PIEZO2: variants seen among roughly 807,000 people sequenced by gnomAD.
The protein encoded by PIEZO2 is piezo type mechanosensitive ion channel component 2.
A neutral mutation model predicts 337.3 loss-of-function variants in PIEZO2; 172 were observed. The ratio of observed to expected loss-of-function variants is 0.51; its 90% CI spans 0.45 to 0.58. The LOEUF (loss-of-function observed/expected upper bound fraction) is 0.58, where lower values mean the gene tolerates loss of function less well. PIEZO2 is among the 20% of genes least tolerant of loss of function. The probability of loss-of-function intolerance (pLI) is 0.00; values close to 1 mark genes in which losing one functional copy is unlikely to be tolerated. For synonymous variants in PIEZO2, 1,251 were observed against 1,228.5 expected (o/e 1.02, Z -0.38); for missense variants, 3,028 against 3,391.3 (o/e 0.89, Z 2.66).
At position 10,980,387 on chromosome 18, in the gene PIEZO2, T is replaced by C. The variant is rs1479888061; in HGVS notation, c.161-727A>G. 6.6e-6 allele frequency among the ~76,000 whole-genome samples: 1 copy of C among 151,884 alleles called. No individual in the cohort carries two copies. Among genetic ancestry groups the C allele is most frequent in the Non-Finnish European group, 1.5e-5 (1 of 68,016 alleles). On this transcript the variant is annotated intron_variant, in intron 2 of 55. Coordinates refer to ENST00000674853, the MANE Select transcript of PIEZO2 (RefSeq NM_001378183.1). The surrounding 1 kb of genome is among the most constrained non-coding windows in gnomAD (Gnocchi z 4.8). ...AAAAAGGAATGGAAGGAAACATCCT[T>C]AAAGGATTTATAATAAAGCAAACAT...
chr18:10,782,371 T>TTA (rs368758321), intron 17 of PIEZO2, among the ~76,000 whole-genome samples: 8,466 of 46,218 alleles, frequency 0.18, 1,157 homozygotes, highest in East Asian at 0.31. Context: ...ATATAAATAA[T>TTA]TATAATATAT....
intron 21 of PIEZO2, among the ~76,000 whole-genome samples, chr18:10,764,010 G>C (rs1191180241): frequency 6.6e-6 from 1 of 152,142 alleles, no homozygotes; most frequent in Non-Finnish European, 1.5e-5. Flanking sequence ...TGATAGGGAA[G>C]CTGGTCAGAG....
At chr18:10,893,959 C>T (rs116438812) in intron 4 of PIEZO2, among the ~76,000 whole-genome samples, 1,642 of 152,228 alleles carry the variant, frequency 0.011, 24 homozygotes, top group African/African-American at 0.033. Flanking sequence ...GGATTGCCCC[C>T]ACCCGCCACC....
rs201391046 is a variant in PIEZO2 at position 11,131,085 on chromosome 18, A to G, written c.64+17440T>C. On this transcript the variant is annotated intron_variant, in intron 1 of 55. Transcript: ENST00000674853. This position sits in a 1 kb window ranked among gnomAD's most constrained non-coding sequence, Gnocchi z 5.3. ...AGCAAGGCCCTGCCACCTTCTGCAG[A>G]TAACTACTCTCCTTTTGAGAGACAG... 9.2e-5 allele frequency among the ~76,000 whole-genome samples: 14 copies of G among 152,334 alleles called. No homozygotes were observed. Among genetic ancestry groups the G allele is most frequent in the African/African-American group, 3.4e-4 (14 of 41,582 alleles).
chr18:11,126,598 G>A lies in PIEZO2; in HGVS notation c.64+21927C>T, dbSNP rs1274710131. On this transcript the variant is annotated intron_variant, in intron 1 of 55. Coordinates refer to ENST00000674853, the MANE Select transcript of PIEZO2 (RefSeq NM_001378183.1). This position sits in a 1 kb window ranked among gnomAD's most constrained non-coding sequence, Gnocchi z 4.6. ...GAAGCTGAACTATCTATGGTTTAAAGAGGATCTCAAGAGCAGGAGCCATGC... is the reference window on the plus strand; with the variant it reads ...GAAGCTGAACTATCTATGGTTTAAAAAGGATCTCAAGAGCAGGAGCCATGC... 6.6e-6 allele frequency among the ~76,000 whole-genome samples: 1 copy of A among 151,640 alleles called. No individual in the cohort carries two copies. The highest frequency in any genetic ancestry group is 1.9e-4 in the East Asian group (1 of 5,168).
chr18:10,749,062 G>C (rs1356137029), intron 29 of PIEZO2, among the ~76,000 whole-genome samples: 1 of 152,132 alleles, frequency 6.6e-6, no homozygotes, highest in Non-Finnish European at 1.5e-5. Flanking sequence ...TTATTAGAAG[G>C]AGTATCAATA....
chr18:10,896,023 G>C (rs1267810869), intron 4 of PIEZO2, among the ~76,000 whole-genome samples: 2 of 142,506 alleles, frequency 1.4e-5, no homozygotes, highest in African/African-American at 5.4e-5. Context: ...TCATGCCATT[G>C]CACTCCAACC....
At chr18:10,827,890 T>C (rs1368885871) in intron 7 of PIEZO2, among the ~76,000 whole-genome samples, 1 of 152,216 alleles carries the variant, frequency 6.6e-6, no homozygotes, top group African/African-American at 2.4e-5. Flanking sequence ...ACTTCTATTT[T>C]ACTATTGTTT....
rs2039486999 is a variant in PIEZO2 at position 11,103,858 on chromosome 18, G to T, written c.65-37636C>A. 3.9e-5 allele frequency among the ~76,000 whole-genome samples: 6 copies of T among 151,914 alleles called. No individual in the cohort carries two copies. In the South Asian group the frequency reaches 1.3e-3, roughly 32 times the overall value. On this transcript the variant is annotated intron_variant, in intron 1 of 55. Transcript: ENST00000674853. ...GTGTGTGACGGAGTCTTGCTCTGTT[G>T]CCCAGGCTGGAAGTTGGAGTGCAGT... is the stretch of plus-strand genomic sequence containing the variant.
intron 47 of PIEZO2, among the ~76,000 whole-genome samples, chr18:10,691,782 C>CACACACACACACACATATATAT: frequency 0.039 from 3,807 of 96,494 alleles, 416 homozygotes; most frequent in Admixed American, 0.1. Context: ...CACACACACA[C>CACACACACACACACATATATAT]ATATATATAT....
chr18:11,115,606 T>G (rs1015458335), intron 1 of PIEZO2, among the ~76,000 whole-genome samples: 1 of 152,176 alleles, frequency 6.6e-6, no homozygotes, highest in Admixed American at 6.5e-5. Flanking sequence ...ATTTCACACA[T>G]GTATAAAGTC....
At chr18:10,722,193 A>G (rs2036342221) in intron 36 of PIEZO2, among the ~76,000 whole-genome samples, 1 of 151,878 alleles carries the variant, frequency 6.6e-6, no homozygotes, top group African/African-American at 2.4e-5. Flanking sequence ...ATTAATAGAA[A>G]ATCTGGGAAA....
chr18:10,899,048 C>T lies in PIEZO2; in HGVS notation c.329+12138G>A, dbSNP rs950656984. ...TTTAGGCAGCTTCACATCCAGGCAA[C>T]GGGATTGCACTGGACACATAAGAAG... On this transcript the variant is annotated intron_variant, in intron 4 of 55. Coordinates refer to ENST00000674853, the MANE Select transcript of PIEZO2 (RefSeq NM_001378183.1). This position sits in a 1 kb window ranked among gnomAD's most constrained non-coding sequence, Gnocchi z 4.6. Among the ~76,000 whole-genome samples, 5 of 152,180 alleles carry T rather than the reference C, an allele frequency of 3.3e-5. No homozygotes were observed. Among genetic ancestry groups the T allele is most frequent in the South Asian group, 2.1e-4 (1 of 4,822 alleles).
At position 10,670,799 on chromosome 18, in the gene PIEZO2, C is replaced by G. The variant is rs1834778702; in HGVS notation, c.*728G>C. On this transcript the variant is annotated 3_prime_UTR_variant, in exon 56 of 56. Transcript: ENST00000674853. ...TCCAGAATGGTTCCCCTCATTGAAG[C>G]TGGTCACTGGTGGACCATAACAAAG... The G allele has an allele frequency of 6.6e-6, 1 of 152,224 alleles. No homozygotes were observed. The highest frequency in any genetic ancestry group is 6.6e-5 in the Admixed American group (1 of 15,252). 9.4% of individuals were successfully genotyped at this position (152,224 alleles called of 1,614,324 possible).
Position 10,738,374 on chromosome 18 carries a change from A to G in PIEZO2, c.4709-1664T>C, listed in dbSNP as rs189527464. The G allele has an allele frequency of 1.9e-4, 29 of 152,336 alleles. 2 individuals carry two copies. The Middle Eastern group carries it at 0.01, about 54-fold the overall frequency. The allele number at this position is 152,336 out of a possible 1,614,324, so 9.4% of individuals were successfully genotyped here. On this transcript the variant is annotated intron_variant, in intron 33 of 55. Coordinates refer to ENST00000674853, the MANE Select transcript of PIEZO2 (RefSeq NM_001378183.1). ...ATCATACCTTCGATAACTTTTATTCATATGGACAAGTTCAAAAGGTTTTCA... is the reference window on the plus strand; with the variant it reads ...ATCATACCTTCGATAACTTTTATTCGTATGGACAAGTTCAAAAGGTTTTCA...
rs1324284309 is a variant in PIEZO2, at chr18:10,746,587, C to T, written c.4424+1884G>A. Among the ~76,000 whole-genome samples the T allele has an allele frequency of 6.6e-6, 1 of 152,202 alleles. No individual in the cohort carries two copies. The highest frequency in any genetic ancestry group is 1.5e-5 in the Non-Finnish European group (1 of 68,026). On this transcript the variant is annotated intron_variant, in intron 30 of 55. Transcript: ENST00000674853. The surrounding 1 kb of genome is among the most constrained non-coding windows in gnomAD (Gnocchi z 4.2). Reference sequence around the variant, plus strand: ...GCTGTCGTCTGAATGTCTGCATCCCCTACAATTCACATGTGGAAATCCTGA... The same window carrying T: ...GCTGTCGTCTGAATGTCTGCATCCCTTACAATTCACATGTGGAAATCCTGA...
chr18:11,026,659 T>TCA (rs2036552320), intron 2 of PIEZO2, among the ~76,000 whole-genome samples: 1 of 152,236 alleles, frequency 6.6e-6, no homozygotes, highest in South Asian at 2.1e-4. Flanking sequence ...TCAGCCTGAA[T>TCA]GCTCCCTCCA....
intron 2 of PIEZO2, among the ~76,000 whole-genome samples, chr18:11,044,691 T>A (rs2037240502): frequency 6.6e-6 from 1 of 152,226 alleles, no homozygotes; most frequent in Non-Finnish European, 1.5e-5. Flanking sequence ...TGATTCTTGT[T>A]ATTCATGGTT....
At position 10,780,344 on chromosome 18, in the gene PIEZO2, C is replaced by T. The variant is rs746058777; in HGVS notation, c.2515G>A (p.Val839Ile). The T allele has an allele frequency of 4.7e-5, 33 of 702,892 alleles. No individual in the cohort carries two copies. The highest frequency in any genetic ancestry group is 1.0e-4 in the African/African-American group (6 of 57,338). 43.5% of individuals were successfully genotyped at this position (702,892 alleles called of 1,614,324 possible). ...IYSHAKVNGR[V>I]YLIINSIKKK... ...ACCCACCTATTTATTATTAGATATA[C>T]GCGACCATTGACTTTGGCATGGCTA... The change falls in exon 18 of 56, where the codon GTA (valine) becomes ATA (isoleucine). Residue 839 changes from valine to isoleucine, a missense_variant. This residue lies in a region of PIEZO2 where 1,925 missense variants were observed against 2,051.9 expected (regional missense o/e 0.94). Coordinates refer to ENST00000674853, the MANE Select transcript of PIEZO2 (RefSeq NM_001378183.1).
Sources: gnomAD v4.1 joint callset for allele counts (sites outside exome capture counted in the v4.1 genomes callset) on GRCh38, gnomAD v4.1.1 for gene constraint, gnomAD v4.1.1 regional missense constraint, Gnocchi (gnomAD v3.1) non-coding constraint, MANE v1.5 for transcripts, NCBI Gene and HGNC (gene_info 2026-07-23, HGNC 2026-07-21) for gene names.